The following KCND3 variants were observed in gnomAD, a reference collection of about 807,000 sequenced individuals.
The protein encoded by KCND3 is potassium voltage-gated channel subfamily D member 3, also known as A-type voltage-gated potassium channel KCND3.
Under a neutral mutation model 51.1 loss-of-function variants are expected in KCND3, and 9 were observed. The ratio of observed to expected loss-of-function variants is 0.18; its 90% CI spans 0.11 to 0.31. The LOEUF (loss-of-function observed/expected upper bound fraction) is 0.31. Ranked by LOEUF, KCND3 falls within the 10% of genes least tolerant of loss-of-function variation. The pLI, the probability that KCND3 is intolerant of heterozygous loss-of-function variation, is 1.00. For synonymous variants in KCND3, 349 were observed against 368.0 expected (o/e 0.95, Z 0.59); for missense variants, 526 against 903.8 (o/e 0.58, Z 5.36).
chr1:111,819,674 T>C (rs1666259831), intron 2 of KCND3, among the ~76,000 whole-genome samples: 1 of 152,116 alleles, frequency 6.6e-6, no homozygotes, highest in Non-Finnish European at 1.5e-5. Context: ...CCTCTGCACC[T>C]GCAAGACGCC....
chr1:111,967,536 T>A (rs1019480177), intron 2 of KCND3, among the ~76,000 whole-genome samples: 3 of 152,180 alleles, frequency 2.0e-5, no homozygotes, highest in African/African-American at 7.2e-5. Context: ...TCACGCACCC[T>A]GGAGGAGTCT....
At chr1:111,956,132 AGAGGAG>A (rs1367286651) in intron 2 of KCND3, among the ~76,000 whole-genome samples, 1 of 152,104 alleles carries the variant, frequency 6.6e-6, no homozygotes. Flanking sequence ...TGCAGATACT[AGAGGAG>A]TTAGGAGAGG....
rs1447662810 is a variant in KCND3, at chr1:111,982,930, C to G, written c.-72-132G>C. 1 of 685,130 alleles carries G rather than the reference C, an allele frequency of 1.5e-6. No individual in the cohort carries two copies. Among genetic ancestry groups the G allele is most frequent in the Non-Finnish European group, 2.5e-6 (1 of 405,800 alleles). The allele number at this position is 685,130 out of a possible 1,614,324, so 42.4% of individuals were successfully genotyped here. A position where few individuals can be genotyped will look rare whatever the true frequency, so the allele number is the denominator to read the frequency against. ...CAGGGCAGATTAATAAAACTGAAAT[C>G]CCCACCACAGAGAGGGGACTTGATT... On this transcript the variant is annotated intron_variant, in intron 1 of 7. Coordinates refer to ENST00000302127, the MANE Select transcript of KCND3 (RefSeq NM_001378969.1). This position sits in a 1 kb window ranked among gnomAD's most constrained non-coding sequence, Gnocchi z 8.5.
chr1:111,928,713 C>G (rs1016547457), intron 2 of KCND3, among the ~76,000 whole-genome samples: 1 of 152,186 alleles, frequency 6.6e-6, no homozygotes, highest in African/African-American at 2.4e-5. Context: ...GAAAGGGAGG[C>G]AGTCTAGCTC....
In KCND3 at chr1:111,778,485, G is replaced by C. The variant is rs1256867747; in HGVS notation, c.1469C>G (p.Ser490Cys). Residue 490 changes from serine (S) to cysteine (C), a missense_variant, in exon 6 of 8, where the codon TCC (serine) becomes TGC (cysteine). Around this residue, in one of 5 missense-constraint regions of KCND3, gnomAD observed 266 missense variants for 305.5 expected, o/e 0.87. Transcript: ENST00000302127. ...TAACAGGGGATCATCCACAAGATAG[G>C]ACAACCCCTACAGGACAACATGCCA... is the stretch of plus-strand genomic sequence containing the variant. ...LHCLEKTTGL[S>C]YLVDDPLLSV... is the part of the protein sequence containing the mutation. 1.2e-6 allele frequency: 2 copies of C among 1,613,732 alleles called. No individual in the cohort carries two copies. Among genetic ancestry groups the C allele is most frequent in the Non-Finnish European group, 1.7e-6 (2 of 1,179,798 alleles).
At chr1:111,966,840 G>T (rs534539639) in intron 2 of KCND3, among the ~76,000 whole-genome samples, 130 of 152,230 alleles carry the variant, frequency 8.5e-4, no homozygotes, top group Non-Finnish European at 1.6e-3. Context: ...GGAATGAACT[G>T]CATCAAAAAG....
At chr1:111,980,203 AGTGTGTGTGTGT>A (rs58988523) in intron 2 of KCND3, among the ~76,000 whole-genome samples, 9 of 142,954 alleles carry the variant, frequency 6.3e-5, no homozygotes, top group Non-Finnish European at 9.1e-5. Flanking sequence ...CCATTTGAAG[AGTGTGTGTGTGT>A]GTGTGTGTGT....
intron 2 of KCND3, among the ~76,000 whole-genome samples, chr1:111,791,827 C>A (rs139942380): frequency 6.6e-6 from 1 of 152,064 alleles, no homozygotes; most frequent in East Asian, 1.9e-4. Context: ...TAATCAATGA[C>A]GTATAGCTGA....
At chr1:111,846,813 C>T (rs1360548561) in intron 2 of KCND3, among the ~76,000 whole-genome samples, 2 of 152,144 alleles carry the variant, frequency 1.3e-5, no homozygotes, top group African/African-American at 4.8e-5. Context: ...CTTCATTTGA[C>T]AATGGGGGGA....
intron 2 of KCND3, among the ~76,000 whole-genome samples, chr1:111,887,584 A>G (rs1669626802): frequency 6.6e-6 from 1 of 152,216 alleles, no homozygotes; most frequent in African/African-American, 2.4e-5. Context: ...TGGTTCCTCT[A>G]TCACACAGTA....
In KCND3 at chr1:111,982,709, C is replaced by A; in HGVS notation, c.18G>T (p.Ala6=). 6.2e-7 allele frequency: 1 copy of A among 1,604,430 alleles called. No homozygotes were observed. The highest frequency in any genetic ancestry group is 8.5e-7 in the Non-Finnish European group (1 of 1,179,216). ...CAGCCCGGGCAAAAGGCAGCCAGGCCGCAACTCCGGCCGCCATGGTGACTC... is the reference window on the plus strand; with the variant it reads ...CAGCCCGGGCAAAAGGCAGCCAGGCAGCAACTCCGGCCGCCATGGTGACTC... The part of the protein sequence containing the change: MAAGV[A]AWLPFARAAA... Residue 6 remains alanine (A), a synonymous_variant, in exon 2 of 8, where the codon GCG becomes GCT. Coordinates refer to ENST00000302127, the MANE Select transcript of KCND3 (RefSeq NM_001378969.1). This position sits in a 1 kb window ranked among gnomAD's most constrained non-coding sequence, Gnocchi z 8.5.
At chr1:111,795,885 G>C (rs1460374729) in intron 2 of KCND3, among the ~76,000 whole-genome samples, 1 of 152,124 alleles carries the variant, frequency 6.6e-6, no homozygotes, top group South Asian at 2.1e-4. Flanking sequence ...CATTCTAACT[G>C]GTGTGAGCTG....
intron 2 of KCND3, among the ~76,000 whole-genome samples, chr1:111,952,117 T>C (rs1247800387): frequency 6.6e-6 from 1 of 152,218 alleles, no homozygotes; most frequent in African/African-American, 2.4e-5. Context: ...GTTTGGTCCA[T>C]TAACAGGACA....
intron 2 of KCND3, among the ~76,000 whole-genome samples, chr1:111,802,205 G>A (rs760941459): frequency 6.6e-6 from 1 of 152,182 alleles, no homozygotes; most frequent in Non-Finnish European, 1.5e-5. Flanking sequence ...TCACATCATC[G>A]GCTTTCCTGT....
At chr1:111,937,325 C>T (rs1372518977) in intron 2 of KCND3, among the ~76,000 whole-genome samples, 1 of 152,102 alleles carries the variant, frequency 6.6e-6, no homozygotes, top group East Asian at 1.9e-4. Flanking sequence ...CCACCCCAGG[C>T]AACCCCTCCA....
chr1:111,977,528 C>T (rs1028991749), intron 2 of KCND3, among the ~76,000 whole-genome samples: 3 of 152,168 alleles, frequency 2.0e-5, no homozygotes, highest in Non-Finnish European at 4.4e-5. Context: ...GATAGGCTGC[C>T]GGTCTCAATT....
chr1:111,919,468 G>T (rs1671376265), intron 2 of KCND3, among the ~76,000 whole-genome samples: 2 of 152,072 alleles, frequency 1.3e-5, no homozygotes, highest in South Asian at 4.1e-4. Flanking sequence ...TGGTGCCACA[G>T]TCCTGAGGCA....
chr1:111,790,245 C>A (rs1300096486), intron 2 of KCND3, among the ~76,000 whole-genome samples: 1 of 152,120 alleles, frequency 6.6e-6, no homozygotes, highest in Non-Finnish European at 1.5e-5. Flanking sequence ...TTAACCTGAG[C>A]CTCTATCACT....
Position 111,982,057 on chromosome 1 carries a change from C to G in KCND3, c.670G>C (p.Val224Leu). 6.2e-7 allele frequency: 1 copy of G among 1,613,782 alleles called. No homozygotes were observed. The highest frequency in any genetic ancestry group is 1.7e-5 in the Admixed American group (1 of 60,010). Reference protein sequence around the residue: ...KELPCGERYSVAFFCLDTACV... With the variant: ...KELPCGERYSLAFFCLDTACV... Reference sequence around the variant, plus strand: ...GCCGTGTCCAGGCAGAAGAAGGCCACCGAGTAGCGCTCCCCGCACGGCAGC... The same window carrying G: ...GCCGTGTCCAGGCAGAAGAAGGCCAGCGAGTAGCGCTCCCCGCACGGCAGC... Residue 224 changes from valine (V) to leucine (L), a missense_variant, in exon 2 of 8, where the codon GTG becomes CTG. Val to Leu is a conservative substitution (Grantham distance 32). This residue lies in a region of KCND3 where 51 missense variants were observed against 84.7 expected (regional missense o/e 0.60). Coordinates refer to ENST00000302127, the MANE Select transcript of KCND3 (RefSeq NM_001378969.1). This position sits in a 1 kb window ranked among gnomAD's most constrained non-coding sequence, Gnocchi z 8.5.
Sources: gnomAD v4.1 joint callset for allele counts (sites outside exome capture counted in the v4.1 genomes callset) on GRCh38, gnomAD v4.1.1 for gene constraint, gnomAD v4.1.1 regional missense constraint, Gnocchi (gnomAD v3.1) non-coding constraint, MANE v1.5 for transcripts, NCBI Gene and HGNC (gene_info 2026-07-23, HGNC 2026-07-21) for gene names.